PRKG1: variants seen among roughly 807,000 people sequenced by gnomAD.
The protein encoded by PRKG1 is cGMP-dependent protein kinase 1.
In PRKG1, 35 loss-of-function variants were observed where a neutral mutation model predicts 88.1. That is an observed-to-expected ratio of 0.40 (90% confidence interval 0.30 to 0.53). PRKG1 has a LOEUF of 0.53. Ranked by LOEUF, PRKG1 falls within the 20% of genes least tolerant of loss-of-function variation. The pLI is 0.59. For synonymous variants in PRKG1, 303 were observed against 292.5 expected (o/e 1.04, Z -0.37); for missense variants, 540 against 839.8 (o/e 0.64, Z 4.41).
At chr10:51,011,583 A>G (rs1237862093) in intron 1 of PRKG1, among the ~76,000 whole-genome samples, 2 of 152,202 alleles carry the variant, frequency 1.3e-5, no homozygotes, top group African/African-American at 4.8e-5. Context: ...GCTGCCAAAA[A>G]TTATTTAATG....
At chr10:52,110,411 C>T (rs1240834702) in intron 7 of PRKG1, among the ~76,000 whole-genome samples, 1 of 125,538 alleles carries the variant, frequency 8.0e-6, no homozygotes, top group African/African-American at 3.0e-5. Context: ...TCTTTTTGTA[C>T]TCTATTGGGA....
chr10:51,701,237 CAG>C (rs1432442281), intron 3 of PRKG1, among the ~76,000 whole-genome samples: 1 of 152,092 alleles, frequency 6.6e-6, no homozygotes, highest in Non-Finnish European at 1.5e-5. Flanking sequence ...AATTCCAAAA[CAG>C]AGAATTATTT....
At chr10:52,282,758 C>T (rs1210293306) in intron 14 of PRKG1, among the ~76,000 whole-genome samples, 4 of 152,016 alleles carry the variant, frequency 2.6e-5, no homozygotes, top group African/African-American at 9.7e-5. Context: ...TTATCATCAA[C>T]TCAAATAGGC....
At chr10:51,265,129 G>A (rs1411466880) in intron 2 of PRKG1, among the ~76,000 whole-genome samples, 1 of 151,786 alleles carries the variant, frequency 6.6e-6, no homozygotes, top group Non-Finnish European at 1.5e-5. Flanking sequence ...ACATGTTCTG[G>A]GCAACATCAG....
intron 4 of PRKG1, among the ~76,000 whole-genome samples, chr10:51,873,985 T>A (rs927139766): frequency 6.6e-6 from 1 of 152,206 alleles, no homozygotes; most frequent in African/African-American, 2.4e-5. Flanking sequence ...CATTTTGAAG[T>A]AAAAGTCTAC....
chr10:52,251,727 T>C, intron 10 of PRKG1, 61 bp downstream of exon 10: 2 of 1,315,926 alleles, frequency 1.5e-6, no homozygotes, highest in Non-Finnish European at 2.2e-6. Flanking sequence ...TTTTTTCCCC[T>C]AGATTAAGAT....
chr10:51,604,013 A>G (rs969914050), intron 3 of PRKG1, among the ~76,000 whole-genome samples: 17 of 151,432 alleles, frequency 1.1e-4, no homozygotes, highest in African/African-American at 3.9e-4. Context: ...AAGACTTTAT[A>G]TATTTTATTT....
At chr10:51,473,446 A>G (rs10997698) in intron 3 of PRKG1, among the ~76,000 whole-genome samples, 67,055 of 151,584 alleles carry the variant, frequency 0.44, 15,419 homozygotes, top group African/African-American at 0.5. Flanking sequence ...GTGTATTTAT[A>G]ATTTATATAT....
At chr10:51,165,516 T>G (rs1490973484) in intron 2 of PRKG1, among the ~76,000 whole-genome samples, 1 of 152,152 alleles carries the variant, frequency 6.6e-6, no homozygotes, top group Non-Finnish European at 1.5e-5. Context: ...GCTAACATCA[T>G]AATGACAGGA....
At chr10:51,889,975 T>C (rs1375874260) in intron 4 of PRKG1, among the ~76,000 whole-genome samples, 1 of 152,132 alleles carries the variant, frequency 6.6e-6, no homozygotes, top group Non-Finnish European at 1.5e-5. Flanking sequence ...GTCAGATGAG[T>C]AGATTGCAAA....
At chr10:52,057,284 G>T (rs371414941) in intron 6 of PRKG1, among the ~76,000 whole-genome samples, 1 of 152,126 alleles carries the variant, frequency 6.6e-6, no homozygotes, top group African/African-American at 2.4e-5. Flanking sequence ...AAGCTTTGCC[G>T]TACTTGTTTT....
chr10:51,664,066 T>G (rs539127324), intron 3 of PRKG1, among the ~76,000 whole-genome samples: 1 of 152,104 alleles, frequency 6.6e-6, no homozygotes. Context: ...AGTGTTATTA[T>G]TAATATTTTT....
At chr10:52,158,558 A>G (rs533354465) in intron 8 of PRKG1, among the ~76,000 whole-genome samples, 1 of 151,750 alleles carries the variant, frequency 6.6e-6, no homozygotes, top group Non-Finnish European at 1.5e-5. Context: ...TTACTCATTG[A>G]TCAGTACAGG....
chr10:51,590,551 G>T (rs1287277606), intron 3 of PRKG1, among the ~76,000 whole-genome samples: 1 of 152,034 alleles, frequency 6.6e-6, no homozygotes, highest in Non-Finnish European at 1.5e-5. Context: ...AAGAAAAAAG[G>T]TTCCTCTTTC....
chr10:51,295,971 C>T (rs1367502777), intron 2 of PRKG1, among the ~76,000 whole-genome samples: 1 of 151,986 alleles, frequency 6.6e-6, no homozygotes, highest in African/African-American at 2.4e-5. Flanking sequence ...TGTGGTGTAT[C>T]ACGTTGATTG....
At chr10:51,617,845 G>A (rs1403176895) in intron 3 of PRKG1, among the ~76,000 whole-genome samples, 3 of 152,162 alleles carry the variant, frequency 2.0e-5, no homozygotes, top group East Asian at 3.9e-4. Flanking sequence ...TTTTTCTCAA[G>A]CAAAGTATTG....
At chr10:51,525,583 G>A (rs893842307) in intron 3 of PRKG1, among the ~76,000 whole-genome samples, 5 of 151,836 alleles carry the variant, frequency 3.3e-5, no homozygotes, top group East Asian at 1.9e-4. Flanking sequence ...CTGTAGTCCC[G>A]GCTACTCGGG....
At chr10:51,947,750 G>A (rs1843083664) in intron 5 of PRKG1, among the ~76,000 whole-genome samples, 1 of 152,308 alleles carries the variant, frequency 6.6e-6, no homozygotes, top group East Asian at 1.9e-4. Context: ...CAGCCAGGAT[G>A]TCAGACCAGC....
chr10:51,480,561 A>G (rs937047949), intron 3 of PRKG1, among the ~76,000 whole-genome samples: 2 of 98,278 alleles, frequency 2.0e-5, no homozygotes, highest in African/African-American at 4.0e-5. Flanking sequence ...CTTGGCACCT[A>G]AAAAAAAAAA....
Sources: gnomAD v4.1 joint callset for allele counts (sites outside exome capture counted in the v4.1 genomes callset) on GRCh38, gnomAD v4.1.1 for gene constraint, MANE v1.5 for transcripts, NCBI Gene and HGNC (gene_info 2026-07-23, HGNC 2026-07-21) for gene names.